The following GNAL variants were observed in gnomAD, a reference collection of about 807,000 sequenced individuals.
The protein encoded by GNAL is G protein subunit alpha L.
In GNAL, 18 loss-of-function variants were observed where a neutral mutation model predicts 55.1. The ratio of observed to expected loss-of-function variants is 0.33; its 90% CI spans 0.23 to 0.48. The LOEUF is 0.48. Ranked by LOEUF, GNAL falls within the 20% of genes least tolerant of loss-of-function variation. The probability of loss-of-function intolerance (pLI) is 0.99; values close to 1 mark genes in which losing one functional copy is unlikely to be tolerated. For missense variants in GNAL, 412 were observed against 614.1 expected, an observed-to-expected ratio of 0.67 and a Z score of 3.48; for synonymous variants, 253 against 237.0, an observed-to-expected ratio of 1.07 and a Z score of -0.62.
intron 4 of GNAL, among the ~76,000 whole-genome samples, chr18:11,793,149 T>C (rs1247647556): frequency 2.6e-5 from 4 of 152,030 alleles, no homozygotes; most frequent in Non-Finnish European, 4.4e-5. Flanking sequence ...AGGAAAAAAA[T>C]AGGTAAATTG....
chr18:11,700,916 G>T (rs2031551944), intron 1 of GNAL, among the ~76,000 whole-genome samples: 1 of 152,314 alleles, frequency 6.6e-6, no homozygotes, highest in African/African-American at 2.4e-5. Flanking sequence ...GAGTCACAAG[G>T]GAAAAGGCCA....
At chr18:11,702,617 A>T (rs2143325168) in intron 1 of GNAL, among the ~76,000 whole-genome samples, 1 of 152,316 alleles carries the variant, frequency 6.6e-6, no homozygotes, top group South Asian at 2.1e-4. Context: ...TTCAGTCTAC[A>T]AACTGGAGCT....
intron 4 of GNAL, among the ~76,000 whole-genome samples, chr18:11,793,553 G>C (rs2034292872): frequency 6.6e-6 from 1 of 151,138 alleles, no homozygotes; most frequent in South Asian, 2.1e-4. Flanking sequence ...CCACATTGCA[G>C]CCTGAACAAT....
chr18:11,872,679 C>T (rs1312097740), intron 10 of GNAL, among the ~76,000 whole-genome samples: 1 of 152,166 alleles, frequency 6.6e-6, no homozygotes, highest in Non-Finnish European at 1.5e-5. Context: ...TATGAGCTCT[C>T]CCTCTAGTGC....
chr18:11,770,304 T>G (rs2033593154), intron 4 of GNAL, among the ~76,000 whole-genome samples: 1 of 152,168 alleles, frequency 6.6e-6, no homozygotes, highest in Admixed American at 6.5e-5. Flanking sequence ...TTACCAAATA[T>G]TAAACTTACC....
At chr18:11,745,243 T>G (rs2032664361) in intron 1 of GNAL, among the ~76,000 whole-genome samples, 1 of 152,198 alleles carries the variant, frequency 6.6e-6, no homozygotes, top group African/African-American at 2.4e-5. Flanking sequence ...CTGCCTTGAA[T>G]TTTTTCATCC....
At chr18:11,772,696 G>A (rs971726321) in intron 4 of GNAL, among the ~76,000 whole-genome samples, 1 of 152,190 alleles carries the variant, frequency 6.6e-6, no homozygotes, top group Non-Finnish European at 1.5e-5. Flanking sequence ...GACTAGAACC[G>A]AGTCTCCCGA....
intron 1 of GNAL, among the ~76,000 whole-genome samples, chr18:11,748,743 T>G (rs2143063929): frequency 6.6e-6 from 1 of 152,252 alleles, no homozygotes; most frequent in African/African-American, 2.4e-5. Flanking sequence ...GTCCAACATT[T>G]TATAGAAATC....
intron 9 of GNAL, among the ~76,000 whole-genome samples, chr18:11,869,702 C>T (rs1371616362): frequency 6.6e-6 from 1 of 152,110 alleles, no homozygotes; most frequent in Non-Finnish European, 1.5e-5. Context: ...TGCTTGAGCT[C>T]AGGAATTGGA....
At chr18:11,805,921 C>T (rs2034646316) in intron 4 of GNAL, among the ~76,000 whole-genome samples, 1 of 152,108 alleles carries the variant, frequency 6.6e-6, no homozygotes, top group Non-Finnish European at 1.5e-5. Context: ...TGAGGAATCT[C>T]CATACTGTTT....
chr18:11,699,713 C>G (rs1399604550), intron 1 of GNAL, among the ~76,000 whole-genome samples: 2 of 152,178 alleles, frequency 1.3e-5, no homozygotes, highest in East Asian at 3.9e-4. Context: ...GATGGACAGA[C>G]AGCGCACAGA....
intron 4 of GNAL, among the ~76,000 whole-genome samples, chr18:11,771,820 T>G (rs1426937877): frequency 6.6e-6 from 1 of 152,194 alleles, no homozygotes; most frequent in African/African-American, 2.4e-5. Context: ...GTTCAAGCGA[T>G]TCTCCTGCCT....
chr18:11,741,461 C>T (rs1475684525), intron 1 of GNAL, among the ~76,000 whole-genome samples: 1 of 152,192 alleles, frequency 6.6e-6, no homozygotes, highest in Non-Finnish European at 1.5e-5. Flanking sequence ...ATTAACCACA[C>T]AAACTCCTCT....
intron 1 of GNAL, among the ~76,000 whole-genome samples, chr18:11,699,295 A>T (rs1178222694): frequency 6.6e-6 from 1 of 152,096 alleles, no homozygotes; most frequent in Non-Finnish European, 1.5e-5. Flanking sequence ...CCTAGGTTCA[A>T]GCGATTCTCT....
In GNAL at chr18:11,752,386, T is replaced by A. The variant is rs1296411828; in HGVS notation, c.377-467T>A. On this transcript the variant is annotated intron_variant, in intron 1 of 11. Transcript: ENST00000334049. The surrounding 1 kb of genome is among the most constrained non-coding windows in gnomAD (Gnocchi z 4.5). ...GCACACGTCTCCAACTCTCTATTGC[T>A]TTTTGCGCACATTCCTAACTTCCTG... 1 of 1,576,784 alleles carries A rather than the reference T, an allele frequency of 6.3e-7. No homozygotes were observed. Among genetic ancestry groups the A allele is most frequent in the South Asian group, 1.1e-5 (1 of 87,024 alleles).
At chr18:11,742,637 C>T (rs562290895) in intron 1 of GNAL, among the ~76,000 whole-genome samples, 3 of 152,360 alleles carry the variant, frequency 2.0e-5, no homozygotes, top group East Asian at 3.9e-4. Flanking sequence ...TGCCAACCTG[C>T]CTCCTGGGCG....
At chr18:11,854,066 C>G (rs2035946186) in intron 5 of GNAL, 1 of 166,926 alleles carries the variant, frequency 6.0e-6, no homozygotes, top group Non-Finnish European at 1.5e-5. Flanking sequence ...CTCAGGTGAT[C>G]CGCCCACCTC....
intron 5 of GNAL, among the ~76,000 whole-genome samples, chr18:11,839,141 G>A (rs2035558756): frequency 6.6e-6 from 1 of 152,178 alleles, no homozygotes; most frequent in Non-Finnish European, 1.5e-5. Flanking sequence ...AACAATGCCT[G>A]GCATATAATA....
Position 11,751,726 on chromosome 18 carries a change from G to A in GNAL, c.377-1127G>A. On this transcript the variant is annotated intron_variant, in intron 1 of 11. Coordinates refer to ENST00000334049, the MANE Select transcript of GNAL (RefSeq NM_182978.4). The surrounding 1 kb of genome is among the most constrained non-coding windows in gnomAD (Gnocchi z 4.5). ...CAGCGTGTAAGCGCCCCAGCCGGCC[G>A]GGCTCCGTGGGGGGTCAGCTCCCTG... 2 of 891,956 alleles carry A rather than the reference G, an allele frequency of 2.2e-6. No individual in the cohort carries two copies. Among genetic ancestry groups the A allele is most frequent in the Non-Finnish European group, 2.7e-6 (2 of 744,390 alleles). The allele number at this position is 891,956 out of a possible 1,614,324, so 55.3% of individuals were successfully genotyped here.
Sources: allele counts gnomAD v4.1 joint callset (sites outside exome capture counted in the v4.1 genomes callset), GRCh38; gene constraint gnomAD v4.1.1; non-coding constraint Gnocchi (gnomAD v3.1); transcripts MANE v1.5; gene names NCBI Gene and HGNC (gene_info 2026-07-23, HGNC 2026-07-21).